The following LAMA1 variants were observed in gnomAD, a reference collection of about 807,000 sequenced individuals.
The protein encoded by LAMA1 is laminin subunit alpha 1.
LAMA1 carries 219 observed loss-of-function variants against 348.7 expected under a neutral mutation model. That is an observed-to-expected ratio of 0.63 (90% CI 0.56 to 0.70). The LOEUF (loss-of-function observed/expected upper bound fraction) is 0.70, where lower values mean the gene tolerates loss of function less well. LAMA1 is among the 30% of genes least tolerant of loss of function. The pLI, the probability that LAMA1 is intolerant of heterozygous loss-of-function variation, is 0.00. For synonymous variants in LAMA1, 1,487 were observed against 1,491.0 expected (o/e 1.00, Z 0.06); for missense variants, 3,744 against 3,888.0 (o/e 0.96, Z 0.99).
chr18:7,018,547 C>T (rs2057900273), intron 19 of LAMA1, among the ~76,000 whole-genome samples: 2 of 151,296 alleles, frequency 1.3e-5, no homozygotes, highest in Non-Finnish European at 1.5e-5. Flanking sequence ...AGGCGCCTGC[C>T]ACCACGCCTG....
At chr18:7,058,992 C>T (rs934683141) in intron 3 of LAMA1, among the ~76,000 whole-genome samples, 3 of 152,110 alleles carry the variant, frequency 2.0e-5, no homozygotes, top group Non-Finnish European at 4.4e-5. Context: ...TGGGTTCAAG[C>T]GATTCTCCTG....
intron 20 of LAMA1, 133 bp from the exon 21 acceptor site, chr18:7,016,804 CT>C: frequency 1.2e-6 from 1 of 821,994 alleles, no homozygotes; most frequent in Non-Finnish European, 1.9e-6. Flanking sequence ...ATCCCCATCC[CT>C]TTATAGCAAA....
At chr18:6,973,946 A>C (rs1263727122) in intron 46 of LAMA1, among the ~76,000 whole-genome samples, 3 of 152,026 alleles carry the variant, frequency 2.0e-5, no homozygotes, top group African/African-American at 7.3e-5. Context: ...TGCTTGGATA[A>C]ATTTTTAACT....
At chr18:6,955,950 AGCC>A (rs1443374621) in intron 56 of LAMA1, 1 of 316,026 alleles carries the variant, frequency 3.2e-6, no homozygotes, top group African/African-American at 2.2e-5. Flanking sequence ...AGACAAGAGG[AGCC>A]AGGCGGGAAG....
chr18:6,984,714 T>C (rs1243764565), intron 39 of LAMA1, among the ~76,000 whole-genome samples: 3 of 152,176 alleles, frequency 2.0e-5, no homozygotes, highest in East Asian at 1.9e-4. Context: ...GTTAAAGTAA[T>C]TGTATTACAA....
At chr18:7,113,354 G>C (rs1200448058) in intron 1 of LAMA1, among the ~76,000 whole-genome samples, 3 of 152,212 alleles carry the variant, frequency 2.0e-5, no homozygotes, top group African/African-American at 7.2e-5. Flanking sequence ...AGGCCAGCTG[G>C]GGTCCCAGCC....
At chr18:6,961,137 T>A (rs1178803033) in intron 53 of LAMA1, among the ~76,000 whole-genome samples, 1 of 152,214 alleles carries the variant, frequency 6.6e-6, no homozygotes, top group Non-Finnish European at 1.5e-5. Context: ...CCTGTTAGTT[T>A]ACTGTGCTTA....
intron 17 of LAMA1, among the ~76,000 whole-genome samples, chr18:7,024,722 C>A (rs755683901): frequency 6.6e-6 from 1 of 152,180 alleles, no homozygotes; most frequent in Non-Finnish European, 1.5e-5. Context: ...CAGCCCACAG[C>A]GCGCCTGCTT....
chr18:7,074,939 G>A (rs1233471497), intron 3 of LAMA1, among the ~76,000 whole-genome samples: 1 of 103,132 alleles, frequency 9.7e-6, no homozygotes, highest in East Asian at 2.9e-4. Context: ...AGTTTATCTT[G>A]CAGATAACCA....
At position 6,946,737 on chromosome 18, in the gene LAMA1, A is replaced by T. The variant is rs148003653; in HGVS notation, c.8844+426T>A. Among the ~76,000 whole-genome samples, 507 of 152,238 alleles carry T rather than the reference A, an allele frequency of 3.3e-3. 3 individuals are homozygous for T. The highest frequency in any genetic ancestry group is 4.8e-3 in the Non-Finnish European group (325 of 68,004). On this transcript the variant is annotated intron_variant, in intron 61 of 62. Transcript: ENST00000389658. ...TCCGTCTCAAAAAGAAAAAAAATGC[A>T]TAGTGCTACCACTGGGAAACCTGGG...
chr18:7,049,308 T>C (rs1459220285), intron 4 of LAMA1, 51 bp from the exon 5 acceptor site: 2 of 1,539,272 alleles, frequency 1.3e-6, no homozygotes. Context: ...TATTTATTTA[T>C]TTATTTTTTG....
chr18:6,987,657 T>C (rs1219663093), intron 36 of LAMA1, among the ~76,000 whole-genome samples: 1 of 152,168 alleles, frequency 6.6e-6, no homozygotes, highest in Non-Finnish European at 1.5e-5. Context: ...AAAAATTCTA[T>C]GGAAAATGCC....
chr18:7,026,357 A>G (rs1311801498), intron 16 of LAMA1, among the ~76,000 whole-genome samples: 2 of 152,240 alleles, frequency 1.3e-5, no homozygotes, highest in African/African-American at 4.8e-5. Flanking sequence ...TGGAGGATCA[A>G]GCTTTTGCAA....
At chr18:7,009,749 A>T (rs1259134044) in intron 26 of LAMA1, among the ~76,000 whole-genome samples, 1 of 152,182 alleles carries the variant, frequency 6.6e-6, no homozygotes, top group Non-Finnish European at 1.5e-5. Context: ...AAACTAATAT[A>T]CATTTCTTGA....
chr18:6,979,762 G>A (rs541744469), intron 42 of LAMA1, among the ~76,000 whole-genome samples: 2 of 151,736 alleles, frequency 1.3e-5, no homozygotes, highest in Non-Finnish European at 2.9e-5. Context: ...AGCCGGGGAC[G>A]GTGGCGGGCG....
rs777399257 is a variant in LAMA1 at position 7,023,302 on chromosome 18, C to G, written c.2563G>C (p.Val855Leu). 1.9e-6 allele frequency: 3 copies of G among 1,614,184 alleles called. No homozygotes were observed. The highest frequency in any genetic ancestry group is 1.7e-6 in the Non-Finnish European group (2 of 1,180,036). ...SCVPCDCSGNVDPSEAGHCDS... is the reference protein window; with the variant it reads ...SCVPCDCSGNLDPSEAGHCDS... ...CAGTGACCAGCCTCCGAGGGGTCCACGTTGCCGCTGCAGTCACAGGGAACA... is the reference window on the plus strand; with the variant it reads ...CAGTGACCAGCCTCCGAGGGGTCCAGGTTGCCGCTGCAGTCACAGGGAACA... Residue 855 changes from valine to leucine, a missense_variant, in exon 19 of 63, where the codon GTG (valine) becomes CTG (leucine). By Grantham distance (32) the Val-to-Leu change is conservative (BLOSUM62 1). Transcript: ENST00000389658.
intron 1 of LAMA1, among the ~76,000 whole-genome samples, chr18:7,085,221 G>A (rs1431846353): frequency 6.6e-6 from 1 of 151,938 alleles, no homozygotes; most frequent in Non-Finnish European, 1.5e-5. Flanking sequence ...TGAATAATCA[G>A]GGTGGCTTCT....
At position 7,032,093 on chromosome 18, in the gene LAMA1, A is replaced by C. The variant is rs537775967; in HGVS notation, c.2247T>G (p.Ala749=). Residue 749 remains alanine, a synonymous_variant, in exon 16 of 63, where the codon GCT becomes GCG. Coordinates refer to ENST00000389658, the MANE Select transcript of LAMA1 (RefSeq NM_005559.4). ...CQPCECHGHA[A]ECNVHGVCIA... Reference sequence around the variant, plus strand: ...TGCAAACGCCGTGAACATTACACTCAGCTGCATGGCCGTGGCATTCACAGG... The same window carrying C: ...TGCAAACGCCGTGAACATTACACTCCGCTGCATGGCCGTGGCATTCACAGG... 1 of 1,614,180 alleles carries C rather than the reference A, an allele frequency of 6.2e-7. No homozygotes were observed. The highest frequency in any genetic ancestry group is 2.2e-5 in the East Asian group (1 of 44,880).
At chr18:7,048,491 A>G (rs1598296689) in intron 5 of LAMA1, among the ~76,000 whole-genome samples, 1 of 151,602 alleles carries the variant, frequency 6.6e-6, no homozygotes, top group African/African-American at 2.4e-5. Flanking sequence ...GGCTTCAGTG[A>G]CCCTCCCATT....
Sources: allele counts gnomAD v4.1 joint callset (sites outside exome capture counted in the v4.1 genomes callset), GRCh38; gene constraint gnomAD v4.1.1; transcripts MANE v1.5; gene names NCBI Gene and HGNC (gene_info 2026-07-23, HGNC 2026-07-21).